Variants in GPR139 observed in about 807,000 individuals in gnomAD.
The protein encoded by GPR139 is probable G protein-coupled receptor 139.
Under a neutral mutation model 25.8 loss-of-function variants are expected in GPR139, and 12 were observed. The observed-to-expected ratio is 0.47, with a 90% CI of 0.30 to 0.75. GPR139 has a LOEUF of 0.75. GPR139 is among the 30% of genes least tolerant of loss of function. The pLI, the probability that GPR139 is intolerant of heterozygous loss-of-function variation, is 0.07. For missense variants in GPR139, 380 were observed against 450.2 expected (o/e 0.84, Z 1.41); for synonymous variants, 184 against 179.9 (o/e 1.02, Z -0.18).
intron 1 of GPR139, among the ~76,000 whole-genome samples, chr16:20,072,485 C>T (rs1226841284): frequency 6.6e-6 from 1 of 152,154 alleles, no homozygotes; most frequent in East Asian, 1.9e-4. Context: ...TTTCTCTCTG[C>T]TTCTTTCAGT....
chr16:20,071,016 A>T (rs2057457755), intron 1 of GPR139: 5 of 985,328 alleles, frequency 5.1e-6, no homozygotes, highest in Non-Finnish European at 6.0e-6. Flanking sequence ...GATCGGCTTC[A>T]TGATATCTAT....
chr16:20,065,108 A>G (rs561423350), intron 1 of GPR139, among the ~76,000 whole-genome samples: 1 of 151,492 alleles, frequency 6.6e-6, no homozygotes, highest in Non-Finnish European at 1.5e-5. Context: ...TGCTTGTTGC[A>G]GCTTTCCCAA....
chr16:20,043,906 A>G (rs1038770565), intron 1 of GPR139, among the ~76,000 whole-genome samples: 3 of 152,208 alleles, frequency 2.0e-5, no homozygotes, highest in African/African-American at 2.4e-5. Context: ...AACCGGAGAC[A>G]TGCAATTTGG....
At chr16:20,056,542 C>T (rs760078269) in intron 1 of GPR139, among the ~76,000 whole-genome samples, 6 of 152,144 alleles carry the variant, frequency 3.9e-5, no homozygotes, top group Admixed American at 2.6e-4. Context: ...CCTGCCTACC[C>T]GTAGTAGCTT....
At chr16:20,061,688 C>T (rs1349351784) in intron 1 of GPR139, among the ~76,000 whole-genome samples, 1 of 152,214 alleles carries the variant, frequency 6.6e-6, no homozygotes, top group African/African-American at 2.4e-5. Context: ...GATCCTGGGT[C>T]ACTCATACAG....
chr16:20,059,083 G>A (rs902624660), intron 1 of GPR139, among the ~76,000 whole-genome samples: 10 of 152,134 alleles, frequency 6.6e-5, no homozygotes, highest in African/African-American at 1.9e-4. Flanking sequence ...CCTCTGAGCC[G>A]CACTCCTATT....
chr16:20,034,789 C>G (rs1259812364), intron 1 of GPR139, among the ~76,000 whole-genome samples: 1 of 152,158 alleles, frequency 6.6e-6, no homozygotes, highest in Non-Finnish European at 1.5e-5. Flanking sequence ...AGTTTTGTTG[C>G]TACGTGAAGA....
At chr16:20,041,082 C>T (rs770559219) in intron 1 of GPR139, among the ~76,000 whole-genome samples, 8 of 141,510 alleles carry the variant, frequency 5.7e-5, no homozygotes, top group Non-Finnish European at 1.2e-4. Context: ...TGCACTCCAG[C>T]CTGGGCGACA....
In GPR139 at chr16:20,045,039, G is replaced by A. The variant is rs1016217697; in HGVS notation, c.128-12370C>T. On this transcript the variant is annotated intron_variant, in intron 1 of 1. Transcript: ENST00000570682. ...TTTTTAGACTGAGTCTTGCTCTGTC[G>A]CTCAGGCTGGAGAGCAGTGGTGCAA... is the stretch of plus-strand genomic sequence containing the variant. 1.2e-4 allele frequency among the ~76,000 whole-genome samples: 16 copies of A among 132,574 alleles called. No homozygotes were observed. The East Asian group carries it at 1.3e-3, about 11-fold the overall frequency. The allele number at this position is 132,574 out of a possible 152,430, so 87.0% of individuals were successfully genotyped here. A position where few individuals can be genotyped will look rare whatever the true frequency, so the allele number is the denominator to read the frequency against.
chr16:20,071,134 G>A (rs770633407), intron 1 of GPR139: 93 of 254,756 alleles, frequency 3.7e-4, no homozygotes, highest in Non-Finnish European at 5.7e-4. Flanking sequence ...CACTCCAGGG[G>A]ATAGCTACCC....
intron 1 of GPR139, among the ~76,000 whole-genome samples, chr16:20,040,178 C>G (rs567774834): frequency 1.1e-4 from 16 of 152,160 alleles, no homozygotes; most frequent in Non-Finnish European, 1.9e-4. Flanking sequence ...TGGGTGTAGT[C>G]CCACTGCTCA....
intron 1 of GPR139, among the ~76,000 whole-genome samples, chr16:20,052,791 A>G (rs1312268522): frequency 1.2e-5 from 1 of 84,594 alleles, no homozygotes; most frequent in Non-Finnish European, 2.1e-5. Flanking sequence ...TCCATCTCAA[A>G]AAAAAAAAAA....
In GPR139 at chr16:20,073,847, C is replaced by A. The variant is rs1032465194; in HGVS notation, c.-231G>T. ...AGGGCGCGGGGCGCAGGGTGCGGGG[C>A]GCGCTGCGCGGGGCCTCGGGAGGGG... On this transcript the variant is annotated 5_prime_UTR_variant, in exon 1 of 2. Transcript: ENST00000570682. This position sits in a 1 kb window ranked among gnomAD's most constrained non-coding sequence, Gnocchi z 4.7. The A allele has an allele frequency of 1.8e-5, 9 of 497,292 alleles. No individual in the cohort carries two copies. The highest frequency in any genetic ancestry group is 1.1e-3 in the Middle Eastern group (2 of 1,882). The allele number at this position is 497,292 out of a possible 1,614,324, so 30.8% of individuals were successfully genotyped here. A position where few individuals can be genotyped will look rare whatever the true frequency, so the allele number is the denominator to read the frequency against.
chr16:20,063,004 C>G (rs1159800587), intron 1 of GPR139, among the ~76,000 whole-genome samples: 1 of 152,162 alleles, frequency 6.6e-6, no homozygotes, highest in Non-Finnish European at 1.5e-5. Context: ...GATTCACATA[C>G]TCAAGTTGTT....
At chr16:20,035,477 C>T (rs2057306805) in intron 1 of GPR139, among the ~76,000 whole-genome samples, 1 of 152,166 alleles carries the variant, frequency 6.6e-6, no homozygotes, top group Non-Finnish European at 1.5e-5. Flanking sequence ...TGCATTCATG[C>T]ATTATGTACC....
intron 1 of GPR139, among the ~76,000 whole-genome samples, chr16:20,050,992 G>T (rs772129940): frequency 6.7e-6 from 1 of 149,426 alleles, no homozygotes; most frequent in Admixed American, 6.8e-5. Context: ...GAGCCCAAGA[G>T]GTCAAGGCTG....
chr16:20,038,204 T>C (rs908298917), intron 1 of GPR139, among the ~76,000 whole-genome samples: 1 of 152,006 alleles, frequency 6.6e-6, no homozygotes, highest in Non-Finnish European at 1.5e-5. Context: ...ATGCCCACTT[T>C]CCCTTTCACA....
chr16:20,073,675 C>A lies in GPR139; in HGVS notation c.-59G>T, dbSNP rs1277669266. The A allele has an allele frequency of 2.7e-6, 4 of 1,491,600 alleles. No homozygotes were observed. The highest frequency in any genetic ancestry group is 3.6e-6 in the Non-Finnish European group (4 of 1,122,226). 92.4% of individuals were successfully genotyped at this position (1,491,600 alleles called of 1,614,324 possible). A position where few individuals can be genotyped will look rare whatever the true frequency, so the allele number is the denominator to read the frequency against. On this transcript the variant is annotated 5_prime_UTR_variant, in exon 1 of 2. Transcript: ENST00000570682. The surrounding 1 kb of genome is among the most constrained non-coding windows in gnomAD (Gnocchi z 4.7). ...CCCGGCCTGCCAGCCCGACTCTGGT[C>A]GCCGGCTCGGTGGTGGCGGCGGCGG...
intron 1 of GPR139, among the ~76,000 whole-genome samples, chr16:20,046,824 T>G (rs2057355936): frequency 6.6e-6 from 1 of 152,002 alleles, no homozygotes; most frequent in African/African-American, 2.4e-5. Flanking sequence ...ATCCCAGCAC[T>G]TTGGGAGGCT....
Sources: gnomAD v4.1 joint callset for allele counts (sites outside exome capture counted in the v4.1 genomes callset) on GRCh38, gnomAD v4.1.1 for gene constraint, Gnocchi (gnomAD v3.1) non-coding constraint, MANE v1.5 for transcripts, NCBI Gene and HGNC (gene_info 2026-07-23, HGNC 2026-07-21) for gene names.